Variants in ZNF385D observed in about 807,000 individuals in gnomAD.
ZNF385D encodes the protein zinc finger protein 659.
ZNF385D carries 15 observed loss-of-function variants against 35.8 expected under a neutral mutation model. That is an observed-to-expected ratio of 0.42 (90% CI 0.28 to 0.64). The LOEUF is 0.64. ZNF385D is among the 30% of genes least tolerant of loss of function. The pLI, the probability that ZNF385D is intolerant of heterozygous loss-of-function variation, is 0.23. For missense variants in ZNF385D, 474 were observed against 494.6 expected (o/e 0.96, Z 0.39); for synonymous variants, 212 against 186.8 (o/e 1.13, Z -1.10).
chr3:21,526,820 GA>G (rs1441599383), intron 3 of ZNF385D, among the ~76,000 whole-genome samples: 1 of 152,176 alleles, frequency 6.6e-6, no homozygotes, highest in African/African-American at 2.4e-5. Context: ...TAGCTAATTG[GA>G]ATGGCTTCCA....
intron 2 of ZNF385D, among the ~76,000 whole-genome samples, chr3:21,636,406 A>ATGAT (rs2065448501): frequency 4.6e-5 from 2 of 43,406 alleles, no homozygotes; most frequent in African/African-American, 2.0e-4. Context: ...ATATATATAT[A>ATGAT]TATATATAGA....
chr3:21,949,754 C>T (rs533702788), intron 3 of ZNF385D, among the ~76,000 whole-genome samples: 9 of 151,722 alleles, frequency 5.9e-5, no homozygotes, highest in Non-Finnish European at 1.0e-4. Flanking sequence ...CCCCTCCACG[C>T]GTCCATGTGT....
intron 2 of ZNF385D, among the ~76,000 whole-genome samples, chr3:22,370,327 A>T (rs375911302): frequency 6.6e-6 from 1 of 152,206 alleles, no homozygotes; most frequent in Non-Finnish European, 1.5e-5. Flanking sequence ...AAGGGCTATA[A>T]TGTAGCACTA....
chr3:22,131,550 C>A (rs1703788586), intron 3 of ZNF385D, among the ~76,000 whole-genome samples: 1 of 151,912 alleles, frequency 6.6e-6, no homozygotes, highest in Non-Finnish European at 1.5e-5. Flanking sequence ...AATGATGTAT[C>A]AGGAGAGAAT....
intron 3 of ZNF385D, among the ~76,000 whole-genome samples, chr3:22,129,422 T>A (rs535269905): frequency 6.6e-6 from 1 of 152,284 alleles, no homozygotes; most frequent in South Asian, 2.1e-4. Context: ...TGCAGCAGGT[T>A]CCCTTCTGGC....
At chr3:21,957,291 G>A (rs1353956016) in intron 3 of ZNF385D, 1 of 153,380 alleles carries the variant, frequency 6.5e-6, no homozygotes, top group African/African-American at 2.4e-5. Flanking sequence ...ATTGGTACCG[G>A]GAGTGGAGCA....
At chr3:22,362,403 C>T (rs914751847) in intron 2 of ZNF385D, among the ~76,000 whole-genome samples, 7 of 151,936 alleles carry the variant, frequency 4.6e-5, no homozygotes, top group African/African-American at 7.3e-5. Context: ...CACCAAATTC[C>T]GTAGGAACTG....
chr3:21,562,206 T>C (rs749223082), intron 3 of ZNF385D: 16 of 152,198 alleles, frequency 1.1e-4, no homozygotes, highest in Admixed American at 3.3e-4. Flanking sequence ...TCTCTCACCA[T>C]GGAAATGAAA....
intron 3 of ZNF385D, among the ~76,000 whole-genome samples, chr3:21,979,332 A>G (rs1393472741): frequency 6.6e-6 from 1 of 152,220 alleles, no homozygotes; most frequent in Admixed American, 6.5e-5. Flanking sequence ...TCATAACCAT[A>G]TACTATTTTT....
chr3:21,591,344 A>C (rs1016629005), intron 2 of ZNF385D, among the ~76,000 whole-genome samples: 3 of 152,156 alleles, frequency 2.0e-5, no homozygotes, highest in African/African-American at 7.2e-5. Flanking sequence ...AAAGGAAATG[A>C]GGAGTTTGTT....
At chr3:22,075,401 C>A (rs1700414325) in intron 3 of ZNF385D, among the ~76,000 whole-genome samples, 1 of 151,896 alleles carries the variant, frequency 6.6e-6, no homozygotes, top group Non-Finnish European at 1.5e-5. Flanking sequence ...ATTCTCAACA[C>A]TCCATTGAAA....
At chr3:22,069,439 C>G (rs1700122708) in intron 3 of ZNF385D, among the ~76,000 whole-genome samples, 1 of 152,142 alleles carries the variant, frequency 6.6e-6, no homozygotes, top group African/African-American at 2.4e-5. Flanking sequence ...ATATATTAAA[C>G]AAGAACCCCG....
intron 3 of ZNF385D, among the ~76,000 whole-genome samples, chr3:22,071,636 A>G (rs1189217728): frequency 6.6e-6 from 1 of 152,194 alleles, no homozygotes; most frequent in Non-Finnish European, 1.5e-5. Flanking sequence ...TCAACATTTC[A>G]ACATACTTAG....
intron 1 of ZNF385D, among the ~76,000 whole-genome samples, chr3:21,724,477 CAAAAAAAAAAAAAAAAAAAAAAAA>C (rs200803155): frequency 7.1e-4 from 37 of 52,024 alleles, no homozygotes; most frequent in South Asian, 1.8e-3. Context: ...AATGGAAAGC[CAAAAAAAAAAAAAAAAAAAAAAAA>C]AAAAAAAAAA....
intron 1 of ZNF385D, among the ~76,000 whole-genome samples, chr3:21,702,607 C>A (rs535560326): frequency 5.3e-5 from 8 of 152,228 alleles, no homozygotes; most frequent in Non-Finnish European, 1.2e-4. Context: ...TTTTCGACTG[C>A]ATCATCAGGC....
At position 21,415,533 on chromosome 3, in the gene ZNF385D, G is replaced by A. The variant is rs1465310392; in HGVS notation, c.*5681C>T. On this transcript the variant is annotated 3_prime_UTR_variant, in exon 8 of 8. Coordinates refer to ENST00000281523, the MANE Select transcript of ZNF385D (RefSeq NM_024697.3). The stretch of plus-strand genomic sequence containing the variant: ...CCAACCTAATCATTGAAAATAAAAT[G>A]ATTTTACCATGGCTTTGTAAAAGAA... The A allele has an allele frequency of 6.6e-6, 1 of 151,948 alleles. No homozygotes were observed. The highest frequency in any genetic ancestry group is 1.5e-5 in the Non-Finnish European group (1 of 67,972). The allele number at this position is 151,948 out of a possible 1,614,324, so 9.4% of individuals were successfully genotyped here.
intron 2 of ZNF385D, among the ~76,000 whole-genome samples, chr3:22,197,386 C>T (rs1055915634): frequency 6.6e-6 from 1 of 151,942 alleles, no homozygotes; most frequent in African/African-American, 2.4e-5. Context: ...TGTTTCCTAC[C>T]CATGATTTGT....
At chr3:21,569,801 C>T (rs964298577) in intron 2 of ZNF385D, among the ~76,000 whole-genome samples, 11 of 150,218 alleles carry the variant, frequency 7.3e-5, no homozygotes, top group Middle Eastern at 3.5e-3. Flanking sequence ...AGTAAACTAT[C>T]GCAAGGACAA....
At chr3:21,887,186 G>A (rs1456404678) in intron 3 of ZNF385D, among the ~76,000 whole-genome samples, 1 of 152,142 alleles carries the variant, frequency 6.6e-6, no homozygotes, top group Non-Finnish European at 1.5e-5. Context: ...TCCGTAGTTT[G>A]TGAAGTGACT....
Sources: gnomAD v4.1 joint callset for allele counts (sites outside exome capture counted in the v4.1 genomes callset) on GRCh38, gnomAD v4.1.1 for gene constraint, MANE v1.5 for transcripts, NCBI Gene and HGNC (gene_info 2026-07-23, HGNC 2026-07-21) for gene names.